Variants in CELF2 observed in about 807,000 individuals in gnomAD.
CELF2 encodes CUG triplet repeat RNA-binding protein 2.
Under a neutral mutation model 62.6 loss-of-function variants are expected in CELF2, and 8 were observed. That is an observed-to-expected ratio of 0.13 (90% CI 0.07 to 0.23). The LOEUF is 0.23. Among genes scored for constraint, CELF2 ranks in the 10% least tolerant of loss-of-function variants. The probability of loss-of-function intolerance (pLI) is 1.00; values close to 1 mark genes in which losing one functional copy is unlikely to be tolerated. For synonymous variants in CELF2, 258 were observed against 250.0 expected (o/e 1.03, Z -0.30); for missense variants, 333 against 671.0 (o/e 0.50, Z 5.56).
chr10:11,167,961 C>T (rs60774675), intron 2 of CELF2, among the ~76,000 whole-genome samples: 3,942 of 152,250 alleles, frequency 0.026, 170 homozygotes, highest in African/African-American at 0.089. Flanking sequence ...CATGGTCCAT[C>T]TGTCTTCATG....
chr10:11,283,654 ATGGGTGGATAATGGG>A (rs2089817596), intron 8 of CELF2, among the ~76,000 whole-genome samples: 1 of 147,510 alleles, frequency 6.8e-6, no homozygotes, highest in Non-Finnish European at 1.5e-5. Context: ...TTGATGGACG[ATGGGTGGATAATGGG>A]TGGGTGGATG....
chr10:11,183,697 A>C (rs2074097368), intron 2 of CELF2, among the ~76,000 whole-genome samples: 1 of 152,328 alleles, frequency 6.6e-6, no homozygotes, highest in African/African-American at 2.4e-5. Context: ...ATGGCTAACG[A>C]TGCTGAGCAT....
chr10:10,828,155 G>A (rs1344824321), intron 1 of CELF2, among the ~76,000 whole-genome samples: 1 of 152,078 alleles, frequency 6.6e-6, no homozygotes, highest in Non-Finnish European at 1.5e-5. Flanking sequence ...TTCTACTTCT[G>A]GGTATGTACC....
intron 7 of CELF2, among the ~76,000 whole-genome samples, chr10:11,274,762 T>G (rs1342750267): frequency 6.6e-6 from 1 of 152,214 alleles, no homozygotes; most frequent in African/African-American, 2.4e-5. Flanking sequence ...CAGAGAGAGA[T>G]AATTAGTCAC....
At chr10:10,869,942 T>C (rs866401783) in intron 1 of CELF2, among the ~76,000 whole-genome samples, 5 of 151,980 alleles carry the variant, frequency 3.3e-5, no homozygotes, top group Middle Eastern at 3.2e-3. Flanking sequence ...TGAGACCTCA[T>C]CTCAAAAAAA....
the CELF2 span, among the ~76,000 whole-genome samples, chr10:10,731,845 T>C: frequency 6.6e-6 from 1 of 152,158 alleles, no homozygotes; most frequent in Non-Finnish European, 1.5e-5. Context: ...ACTTCCAGAC[T>C]GTGGAAAAGT....
upstream of CELF2, among the ~76,000 whole-genome samples, chr10:10,796,491 T>G (rs916547872): frequency 4.6e-5 from 7 of 152,218 alleles, no homozygotes; most frequent in Non-Finnish European, 1.0e-4. Flanking sequence ...TGTCCTTTTG[T>G]CCTTTGGCCA....
At chr10:10,470,667 A>G in the CELF2 span, among the ~76,000 whole-genome samples, 65 of 151,438 alleles carry the variant, frequency 4.3e-4, no homozygotes, top group Non-Finnish European at 8.3e-4. Flanking sequence ...CTTTAATTCA[A>G]CTGCGAAAGG....
chr10:10,596,574 C>T, the CELF2 span, among the ~76,000 whole-genome samples: 1 of 152,168 alleles, frequency 6.6e-6, no homozygotes, highest in African/African-American at 2.4e-5. Flanking sequence ...ACAGAGCATA[C>T]AGGATCATAG....
At chr10:10,703,488 G>T in the CELF2 span, among the ~76,000 whole-genome samples, 1 of 152,158 alleles carries the variant, frequency 6.6e-6, no homozygotes, top group Non-Finnish European at 1.5e-5. Context: ...CTCTACGAAG[G>T]ATACAGAATA....
chr10:10,705,863 A>G, the CELF2 span, among the ~76,000 whole-genome samples: 1 of 152,118 alleles, frequency 6.6e-6, no homozygotes. Context: ...CTGCCAGTGT[A>G]ATCACTCCTT....
At chr10:11,312,688 C>T (rs565707590) in intron 9 of CELF2, among the ~76,000 whole-genome samples, 14 of 152,338 alleles carry the variant, frequency 9.2e-5, no homozygotes, top group African/African-American at 3.1e-4. Flanking sequence ...GTAATCCCAG[C>T]ACTTTGGGAG....
chr10:11,308,017 T>A (rs886681651), intron 9 of CELF2, among the ~76,000 whole-genome samples: 1 of 152,174 alleles, frequency 6.6e-6, no homozygotes, highest in Non-Finnish European at 1.5e-5. Context: ...GCCTGTCTTG[T>A]GTTTTGTGTC....
At position 10,802,282 on chromosome 10, in the gene CELF2, C is replaced by T. The variant is rs776888249; in HGVS notation, c.53+3465C>T. Among the ~76,000 whole-genome samples, 12 of 152,000 alleles carry T rather than the reference C, an allele frequency of 7.9e-5. No individual in the cohort carries two copies. In the South Asian group the frequency reaches 1.5e-3, roughly 18 times the overall value. On this transcript the variant is annotated intron_variant, in intron 1 of 13. Transcript: ENST00000636488. ...GTCAAGAGATCGAGACCATCCGGGC[C>T]GACATGGTGAAACCCTGTCCCTACT...
chr10:10,551,429 C>A, the CELF2 span, among the ~76,000 whole-genome samples: 1 of 152,042 alleles, frequency 6.6e-6, no homozygotes, highest in Non-Finnish European at 1.5e-5. Context: ...CTGCTGGGAG[C>A]CTTTGGCCCG....
chr10:10,764,632 C>T, the CELF2 span, among the ~76,000 whole-genome samples: 2 of 152,180 alleles, frequency 1.3e-5, no homozygotes, highest in African/African-American at 2.4e-5. Context: ...AAAGGGTCAC[C>T]CTTTGACCCT....
chr10:10,640,369 G>A, the CELF2 span, among the ~76,000 whole-genome samples: 87 of 152,210 alleles, frequency 5.7e-4, no homozygotes, highest in Middle Eastern at 3.4e-3. Context: ...CTTCCCCCAA[G>A]CACTACTCCC....
At chr10:10,519,837 T>C in the CELF2 span, among the ~76,000 whole-genome samples, 1 of 152,056 alleles carries the variant, frequency 6.6e-6, no homozygotes, top group African/African-American at 2.4e-5. Flanking sequence ...GCTGTCTGTC[T>C]CCCTTGTTAT....
rs74115827 is a variant in CELF2 at position 11,305,969 on chromosome 10, C to T, written c.977-8170C>T. 8.5e-3 allele frequency among the ~76,000 whole-genome samples: 1,302 copies of T among 152,330 alleles called. 23 individuals carry two copies. The highest frequency in any genetic ancestry group is 0.029 in the African/African-American group (1,193 of 41,570). ...CAAAAGGCCACAGACTTTGTCTGCA[C>T]ATGAGCTGATAAAACCATGGCCATC... On this transcript the variant is annotated intron_variant, in intron 9 of 12. Coordinates refer to ENST00000633077, the MANE Select transcript of CELF2 (RefSeq NM_001326342.2). The surrounding 1 kb of genome is among the most constrained non-coding windows in gnomAD (Gnocchi z 4.8).
Sources: allele counts gnomAD v4.1 joint callset (sites outside exome capture counted in the v4.1 genomes callset), GRCh38; gene constraint gnomAD v4.1.1; non-coding constraint Gnocchi (gnomAD v3.1); transcripts MANE v1.5; gene names NCBI Gene and HGNC (gene_info 2026-07-23, HGNC 2026-07-21).